The following PLD1 variants were observed in gnomAD, a reference collection of about 807,000 sequenced individuals.
PLD1 encodes the protein phospholipase D1, also known as choline phosphatase 1.
Under a neutral mutation model 137.1 loss-of-function variants are expected in PLD1, and 112 were observed. The ratio of observed to expected loss-of-function variants is 0.82; its 90% CI spans 0.70 to 0.96. PLD1 has a LOEUF of 0.96. PLD1 is among the 40% of genes least tolerant of loss of function. The probability of loss-of-function intolerance (pLI) is 0.00; values close to 1 mark genes in which losing one functional copy is unlikely to be tolerated. For missense variants in PLD1, 1,321 were observed against 1,342.0 expected (o/e 0.98, Z 0.24); for synonymous variants, 431 against 454.7 (o/e 0.95, Z 0.66).
Position 171,676,711 on chromosome 3 carries a change from G to A in PLD1, c.2115+4C>T, listed in dbSNP as rs201764245. ...GATAAATCATGATAGCAACATCCAA[G>A]TACTTTTGTGAAGTTCCAGCGCTGG... On this transcript the variant is annotated splice_donor_region_variant and intron_variant, in intron 18 of 26. Transcript: ENST00000351298. 1.4e-5 allele frequency: 22 copies of A among 1,605,476 alleles called. No individual in the cohort carries two copies. The East Asian group carries it at 4.9e-4, about 36-fold the overall frequency.
intron 1 of PLD1, among the ~76,000 whole-genome samples, chr3:171,759,295 C>G (rs1213136020): frequency 6.6e-6 from 1 of 152,160 alleles, no homozygotes; most frequent in Non-Finnish European, 1.5e-5. Flanking sequence ...TGCTCAATAA[C>G]TCCACCTATA....
chr3:171,797,971 G>A (rs982968612), intron 1 of PLD1, among the ~76,000 whole-genome samples: 4 of 151,912 alleles, frequency 2.6e-5, no homozygotes, highest in African/African-American at 9.7e-5. Flanking sequence ...ATTTTTCTAT[G>A]ACTCATCTGT....
intron 11 of PLD1, among the ~76,000 whole-genome samples, chr3:171,707,850 T>C (rs908149380): frequency 5.3e-5 from 8 of 152,216 alleles, no homozygotes; most frequent in African/African-American, 1.9e-4. Context: ...GCCTTATAAT[T>C]ATAGATTCCA....
intron 1 of PLD1, among the ~76,000 whole-genome samples, chr3:171,755,953 G>T (rs1720998600): frequency 1.3e-5 from 2 of 152,126 alleles, no homozygotes; most frequent in Admixed American, 1.3e-4. Flanking sequence ...AAGAAAATTG[G>T]AAACATCATC....
chr3:171,781,486 G>A (rs1203343329), intron 1 of PLD1, among the ~76,000 whole-genome samples: 1 of 151,902 alleles, frequency 6.6e-6, no homozygotes, highest in Non-Finnish European at 1.5e-5. Flanking sequence ...CCACAGCCTG[G>A]GATAAAATAT....
At chr3:171,740,841 G>A (rs745834741) in intron 1 of PLD1, among the ~76,000 whole-genome samples, 3 of 152,118 alleles carry the variant, frequency 2.0e-5, no homozygotes, top group Non-Finnish European at 4.4e-5. Flanking sequence ...ACCCTACCTG[G>A]TAGGTATGAT....
Position 171,603,219 on chromosome 3 carries a change from T to C in PLD1, c.3084A>G (p.Glu1028=), listed in dbSNP as rs75970900. 3,570 of 1,614,076 alleles carry C rather than the reference T, an allele frequency of 2.2e-3. 34 individuals carry two copies. The African/African-American group carries it at 0.034, about 15-fold the overall frequency. Residue 1028 remains glutamate (E), a synonymous_variant, in exon 27 of 27, where the codon GAA becomes GAG. Transcript: ENST00000351298. ...GTTCCTCCTCAGCTCGAATGGGATCTTCCTTAGCTAATACGGGCTTGTTTA... is the reference window on the plus strand; with the variant it reads ...GTTCCTCCTCAGCTCGAATGGGATCCTCCTTAGCTAATACGGGCTTGTTTA... ...DFINKPVLAK[E]DPIRAEEELK...
chr3:171,611,003 C>T (rs918090313), intron 25 of PLD1, among the ~76,000 whole-genome samples: 1 of 152,172 alleles, frequency 6.6e-6, no homozygotes, highest in Non-Finnish European at 1.5e-5. Context: ...TCTGCCTTTG[C>T]CGGGAGTTAA....
chr3:171,709,816 A>G (rs1578328616), intron 9 of PLD1, 107 bp from the exon 10 acceptor site: 1 of 898,170 alleles, frequency 1.1e-6, no homozygotes, highest in Non-Finnish European at 1.7e-6. Flanking sequence ...TGAGGCAAAG[A>G]ACATCAAGAA....
At chr3:171,684,682 G>A (rs957801044) in intron 16 of PLD1, among the ~76,000 whole-genome samples, 4 of 152,194 alleles carry the variant, frequency 2.6e-5, no homozygotes, top group Non-Finnish European at 4.4e-5. Flanking sequence ...TGCAACCTCT[G>A]CCTTCCAGGC....
chr3:171,623,573 C>T (rs1301036582), intron 23 of PLD1, among the ~76,000 whole-genome samples: 7 of 151,802 alleles, frequency 4.6e-5, no homozygotes, highest in Admixed American at 3.9e-4. Context: ...CCGCCCACCT[C>T]GGCCTCCCAA....
intron 1 of PLD1, among the ~76,000 whole-genome samples, chr3:171,796,277 AT>A: frequency 6.6e-6 from 1 of 152,258 alleles, no homozygotes; most frequent in East Asian, 1.9e-4. Flanking sequence ...GATGTAAGAA[AT>A]AGCCAAAGAG....
At chr3:171,735,105 G>A in intron 4 of PLD1, 135 bp from the exon 5 acceptor site, 1 of 611,204 alleles carries the variant, frequency 1.6e-6, no homozygotes. Context: ...AGACTAGTTA[G>A]CCGATATTGT....
intron 1 of PLD1, among the ~76,000 whole-genome samples, chr3:171,774,007 C>A (rs1722504664): frequency 6.6e-6 from 1 of 152,172 alleles, no homozygotes; most frequent in African/African-American, 2.4e-5. Flanking sequence ...CTCGGCCTCC[C>A]AAAGTGCTGG....
intron 23 of PLD1, among the ~76,000 whole-genome samples, chr3:171,625,961 G>C (rs915049034): frequency 1.2e-4 from 18 of 152,312 alleles, no homozygotes; most frequent in African/African-American, 4.1e-4. Context: ...TCCTCCAAAG[G>C]AATGCAGCTC....
chr3:171,742,676 A>C (rs7635962), intron 1 of PLD1, among the ~76,000 whole-genome samples: 54,313 of 151,934 alleles, frequency 0.36, 10,716 homozygotes, highest in African/African-American at 0.5. Flanking sequence ...AAATTAAAGG[A>C]TCCATAATAT....
intron 6 of PLD1, among the ~76,000 whole-genome samples, chr3:171,731,211 T>C (rs1718916350): frequency 6.6e-6 from 1 of 152,212 alleles, no homozygotes; most frequent in South Asian, 2.1e-4. Flanking sequence ...AAATTTATTA[T>C]ATACATGTTA....
chr3:171,801,211 C>T (rs1578486136), intron 1 of PLD1, among the ~76,000 whole-genome samples: 1 of 152,198 alleles, frequency 6.6e-6, no homozygotes, highest in Admixed American at 6.5e-5. Context: ...ACTGTGTTAG[C>T]ACCAAAAAGA....
In PLD1 at chr3:171,735,818, A is replaced by G. The variant is rs961649903; in HGVS notation, c.289-181T>C. On this transcript the variant is annotated intron_variant, in intron 3 of 26. Coordinates refer to ENST00000351298, the MANE Select transcript of PLD1 (RefSeq NM_002662.5). The stretch of plus-strand genomic sequence containing the variant: ...CAATTGCAGAAATAATATTCTCTAA[A>G]TGTTCACTTGATGAATTACATAAGA... 2.6e-5 allele frequency among the ~76,000 whole-genome samples: 4 copies of G among 152,236 alleles called. No individual in the cohort carries two copies. In the East Asian group the frequency reaches 7.7e-4, roughly 29 times the overall value.
Sources: allele counts gnomAD v4.1 joint callset (sites outside exome capture counted in the v4.1 genomes callset), GRCh38; gene constraint gnomAD v4.1.1; transcripts MANE v1.5; gene names NCBI Gene and HGNC (gene_info 2026-07-23, HGNC 2026-07-21).